Variants in TLL2 observed in about 807,000 individuals in gnomAD.
The protein encoded by TLL2 is tolloid like 2, also known as tolloid-like protein 2.
TLL2 carries 106 observed loss-of-function variants against 123.0 expected under a neutral mutation model. The observed-to-expected ratio is 0.86, with a 90% CI of 0.74 to 1.01. The LOEUF (loss-of-function observed/expected upper bound fraction) is 1.01, where lower values mean the gene tolerates loss of function less well. Among genes scored for constraint, TLL2 ranks in the 50% least tolerant of loss-of-function variants. The pLI, the probability that TLL2 is intolerant of heterozygous loss-of-function variation, is 0.00. For synonymous variants in TLL2, 494 were observed against 516.8 expected (o/e 0.96, Z 0.60); for missense variants, 1,332 against 1,336.7 (o/e 1.00, Z 0.06).
intron 1 of TLL2, among the ~76,000 whole-genome samples, chr10:96,483,418 G>C (rs1847329892): frequency 6.6e-6 from 1 of 152,210 alleles, no homozygotes; most frequent in Non-Finnish European, 1.5e-5. Context: ...CCTGATTTCA[G>C]AACTGTTATG....
intron 13 of TLL2, among the ~76,000 whole-genome samples, chr10:96,391,580 C>T (rs1846289227): frequency 6.6e-6 from 1 of 152,124 alleles, no homozygotes; most frequent in Non-Finnish European, 1.5e-5. Context: ...AGTTCCAGCC[C>T]AGCCATGTTA....
At chr10:96,508,012 C>G (rs1028236779) in intron 1 of TLL2, among the ~76,000 whole-genome samples, 1 of 152,162 alleles carries the variant, frequency 6.6e-6, no homozygotes. Context: ...CCACCCTTAC[C>G]TAGGTGTGGC....
At position 96,365,079 on chromosome 10, in the gene TLL2, A is replaced by G. The variant is rs925997240; in HGVS notation, c.*3009T>C. 4 of 152,302 alleles carry G rather than the reference A, an allele frequency of 2.6e-5. No homozygotes were observed. The highest frequency in any genetic ancestry group is 9.6e-5 in the African/African-American group (4 of 41,452). The allele number at this position is 152,302 out of a possible 1,614,324, so 9.4% of individuals were successfully genotyped here. ...GAAGAAGAATTATCTTGGGCCACACATAAAATACACTAACGATAGCTGACG... is the reference window on the plus strand; with the variant it reads ...GAAGAAGAATTATCTTGGGCCACACGTAAAATACACTAACGATAGCTGACG... On this transcript the variant is annotated 3_prime_UTR_variant, in exon 21 of 21. Transcript: ENST00000357947.
At chr10:96,479,319 C>A (rs1462827671) in intron 2 of TLL2, among the ~76,000 whole-genome samples, 1 of 152,240 alleles carries the variant, frequency 6.6e-6, no homozygotes, top group East Asian at 1.9e-4. Context: ...CATCCACCAA[C>A]CCCTGCAGGG....
At chr10:96,467,892 A>G (rs1196788281) in intron 2 of TLL2, among the ~76,000 whole-genome samples, 1 of 152,240 alleles carries the variant, frequency 6.6e-6, no homozygotes, top group Non-Finnish European at 1.5e-5. Context: ...ACTGATACAT[A>G]TGATACACGT....
chr10:96,465,021 C>T (rs894978870), intron 2 of TLL2, among the ~76,000 whole-genome samples: 1 of 152,214 alleles, frequency 6.6e-6, no homozygotes, highest in Non-Finnish European at 1.5e-5. Context: ...GCAAGCCAGA[C>T]TCATTAGGTC....
In TLL2 at chr10:96,397,069, C is replaced by T. The variant is rs1027650991; in HGVS notation, c.1384+117G>A. The T allele has an allele frequency of 4.6e-5, 40 of 872,096 alleles. No homozygotes were observed. The African/African-American group carries it at 4.9e-4, about 11-fold the overall frequency. The allele number at this position is 872,096 out of a possible 1,614,324, so 54.0% of individuals were successfully genotyped here. On this transcript the variant is annotated intron_variant, in intron 11 of 20. Transcript: ENST00000357947. ...CTCAGCTTGCCCCCTGTGGTGGCTG[C>T]CCCCACCCCTGTGGCTCTGGCCTGG...
At chr10:96,495,914 A>G (rs1847470283) in intron 1 of TLL2, among the ~76,000 whole-genome samples, 1 of 152,182 alleles carries the variant, frequency 6.6e-6, no homozygotes, top group Admixed American at 6.5e-5. Context: ...TTTTAATGGG[A>G]TCAAACAGAT....
At chr10:96,474,644 C>T (rs1847219455) in intron 2 of TLL2, among the ~76,000 whole-genome samples, 1 of 152,152 alleles carries the variant, frequency 6.6e-6, no homozygotes, top group East Asian at 1.9e-4. Context: ...CCTTAAGAGT[C>T]CGACCAAGGA....
At chr10:96,387,416 C>T (rs1846246777) in intron 13 of TLL2, among the ~76,000 whole-genome samples, 1 of 152,166 alleles carries the variant, frequency 6.6e-6, no homozygotes. Context: ...AAGACTTCAT[C>T]CATTTTAAAA....
At chr10:96,482,697 T>G (rs1012700782) in intron 1 of TLL2, among the ~76,000 whole-genome samples, 1 of 152,234 alleles carries the variant, frequency 6.6e-6, no homozygotes, top group African/African-American at 2.4e-5. Flanking sequence ...TAAATGAACA[T>G]GCAGAAATTT....
intron 1 of TLL2, among the ~76,000 whole-genome samples, chr10:96,504,282 T>C (rs1009513047): frequency 1.8e-4 from 27 of 152,198 alleles, no homozygotes; most frequent in African/African-American, 5.8e-4. Context: ...GTGAGGCCAC[T>C]GAGATTCATG....
chr10:96,468,723 G>C (rs1847151819), intron 2 of TLL2, among the ~76,000 whole-genome samples: 1 of 152,196 alleles, frequency 6.6e-6, no homozygotes, highest in Non-Finnish European at 1.5e-5. Flanking sequence ...GGACACTCAA[G>C]AGGAGGCACC....
chr10:96,493,327 A>G (rs1283160858), intron 1 of TLL2, among the ~76,000 whole-genome samples: 1 of 152,226 alleles, frequency 6.6e-6, no homozygotes, highest in African/African-American at 2.4e-5. Flanking sequence ...ATGTAGAATC[A>G]GGAAAGCCTC....
At chr10:96,373,521 T>C (rs929684441) in intron 19 of TLL2, 75 bp downstream of exon 19, 83 of 1,402,366 alleles carry the variant, frequency 5.9e-5, no homozygotes, top group South Asian at 2.5e-4. Flanking sequence ...AGGCAGTCCT[T>C]GTCGTGCCTT....
chr10:96,507,988 T>C (rs1224704479), intron 1 of TLL2, among the ~76,000 whole-genome samples: 2 of 152,150 alleles, frequency 1.3e-5, no homozygotes, highest in East Asian at 1.9e-4. Context: ...GAAATAAAGA[T>C]GTAAAAATAT....
At chr10:96,397,610 C>A (rs1846354373) in intron 10 of TLL2, among the ~76,000 whole-genome samples, 1 of 152,216 alleles carries the variant, frequency 6.6e-6, no homozygotes, top group Admixed American at 6.5e-5. Context: ...GAAGGTGAGG[C>A]AGGGGAAGAA....
intron 18 of TLL2, chr10:96,374,440 TA>T (rs1285756552): frequency 5.2e-5 from 8 of 153,454 alleles, no homozygotes; most frequent in Non-Finnish European, 1.2e-4. Context: ...GACCCTTTAG[TA>T]CAAATGACGC....
In TLL2 at chr10:96,422,162, T is replaced by A. The variant is rs1457364105; in HGVS notation, c.817+387A>T. 2.6e-5 allele frequency among the ~76,000 whole-genome samples: 4 copies of A among 152,170 alleles called. No homozygotes were observed. The East Asian group carries it at 7.7e-4, about 29-fold the overall frequency. ...TTGTATTTCAGTTTCAGAAAATATG[T>A]TGCCTAAGTCAGCAAAAATAACTCA... On this transcript the variant is annotated intron_variant, in intron 6 of 20. Coordinates refer to ENST00000357947, the MANE Select transcript of TLL2 (RefSeq NM_012465.4).
Sources: gnomAD v4.1 joint callset for allele counts (sites outside exome capture counted in the v4.1 genomes callset) on GRCh38, gnomAD v4.1.1 for gene constraint, MANE v1.5 for transcripts, NCBI Gene and HGNC (gene_info 2026-07-23, HGNC 2026-07-21) for gene names.